Variants in CACNG2 observed in about 807,000 individuals in gnomAD.
The protein encoded by CACNG2 is calcium voltage-gated channel auxiliary subunit gamma 2, also known as voltage-dependent calcium channel gamma-2 subunit.
Under a neutral mutation model 25.9 loss-of-function variants are expected in CACNG2, and 3 were observed. The observed-to-expected ratio is 0.12, with a 90% CI of 0.05 to 0.30. CACNG2 has a LOEUF of 0.30. Among genes scored for constraint, CACNG2 ranks in the 10% least tolerant of loss-of-function variants. The pLI is 1.00. For missense variants in CACNG2, 341 were observed against 432.5 expected, an observed-to-expected ratio of 0.79 and a Z score of 1.88; for synonymous variants, 167 against 173.3, an observed-to-expected ratio of 0.96 and a Z score of 0.29.
chr22:36,565,100 G>A (rs1235608276), intron 3 of CACNG2, among the ~76,000 whole-genome samples: 5 of 152,318 alleles, frequency 3.3e-5, no homozygotes, highest in Admixed American at 6.5e-5. Context: ...CAAGGGAAGC[G>A]CTAATGGAAA....
At chr22:36,618,042 G>C (rs1936048335) in intron 1 of CACNG2, among the ~76,000 whole-genome samples, 1 of 152,208 alleles carries the variant, frequency 6.6e-6, no homozygotes, top group Admixed American at 6.5e-5. Flanking sequence ...GGGTGGAGGT[G>C]GAGGGCAGGA....
rs767940044 is a variant in CACNG2 at position 36,576,045 on chromosome 22, G to A, written c.296-9552C>T. On this transcript the variant is annotated intron_variant, in intron 2 of 3. Coordinates refer to ENST00000300105, the MANE Select transcript of CACNG2 (RefSeq NM_006078.5). The stretch of plus-strand genomic sequence containing the variant: ...GTGCTGGCTGGTGTAGCCAATGGCC[G>A]TGAGAAGGGATGCGTTTCAAAAAAT... Among the ~76,000 whole-genome samples, 36 of 152,186 alleles carry A rather than the reference G, an allele frequency of 2.4e-4. 1 individual carries two copies. Among genetic ancestry groups the A allele is most frequent in the South Asian group, 4.1e-4 (2 of 4,826 alleles).
At chr22:36,651,423 T>C (rs1376369681) in intron 1 of CACNG2, among the ~76,000 whole-genome samples, 1 of 151,814 alleles carries the variant, frequency 6.6e-6, no homozygotes, top group African/African-American at 2.4e-5. Flanking sequence ...GAGATGGGGT[T>C]TTACCATGTT....
At chr22:36,634,570 CT>C (rs1182971471) in intron 1 of CACNG2, among the ~76,000 whole-genome samples, 1 of 152,216 alleles carries the variant, frequency 6.6e-6, no homozygotes, top group Non-Finnish European at 1.5e-5. Context: ...TTGCAAAACA[CT>C]GGTAAAATTT....
At chr22:36,640,122 A>G (rs993402172) in intron 1 of CACNG2, among the ~76,000 whole-genome samples, 13 of 152,134 alleles carry the variant, frequency 8.5e-5, no homozygotes, top group African/African-American at 3.1e-4. Context: ...CAGGGTTCAT[A>G]TCCCAGCCCT....
rs117563437 is a variant in CACNG2, at chr22:36,589,762, T to A, written c.212-2214A>T. The stretch of plus-strand genomic sequence containing the variant: ...GTCATGGCCCCTCTGCCCTCCTGCA[T>A]CTTGGGGTGTTAAAAGGAAGCCTTG... On this transcript the variant is annotated intron_variant, in intron 1 of 3. Coordinates refer to ENST00000300105, the MANE Select transcript of CACNG2 (RefSeq NM_006078.5). 4.0e-3 allele frequency among the ~76,000 whole-genome samples: 609 copies of A among 152,226 alleles called. 2 individuals are homozygous for A. The highest frequency in any genetic ancestry group is 6.6e-3 in the Non-Finnish European group (449 of 68,018).
intron 1 of CACNG2, among the ~76,000 whole-genome samples, chr22:36,654,273 G>A (rs1316920929): frequency 1.3e-5 from 2 of 152,012 alleles, no homozygotes; most frequent in African/African-American, 4.8e-5. Context: ...GTAGTTGTGT[G>A]TGCGTGTGTT....
chr22:36,702,217 C>T, intron 1 of CACNG2, 149 bp downstream of exon 1: 1 of 633,194 alleles, frequency 1.6e-6, no homozygotes, highest in Non-Finnish European at 2.8e-6. Flanking sequence ...TCCTCTGAAA[C>T]TAACCCAACC....
intron 1 of CACNG2, among the ~76,000 whole-genome samples, chr22:36,670,088 A>C (rs1261230989): frequency 6.6e-6 from 1 of 152,172 alleles, no homozygotes; most frequent in African/African-American, 2.4e-5. Context: ...TGATCTAACT[A>C]ACTATAAGAT....
At chr22:36,631,720 C>T (rs1168490658) in intron 1 of CACNG2, among the ~76,000 whole-genome samples, 2 of 149,044 alleles carry the variant, frequency 1.3e-5, no homozygotes, top group Admixed American at 6.7e-5. Context: ...TGGAACTGCC[C>T]GGTTATGTGA....
chr22:36,639,080 A>G (rs7288612), intron 1 of CACNG2, among the ~76,000 whole-genome samples: 2 of 152,092 alleles, frequency 1.3e-5, no homozygotes, highest in East Asian at 3.9e-4. Flanking sequence ...TGAGCTTCTG[A>G]GGCAGGTGTT....
At chr22:36,572,712 C>CAA (rs1005967863) in intron 2 of CACNG2, among the ~76,000 whole-genome samples, 3 of 111,860 alleles carry the variant, frequency 2.7e-5, no homozygotes, top group Non-Finnish European at 3.8e-5. Flanking sequence ...GACTCCATCT[C>CAA]AAAAAAAAAA....
chr22:36,641,826 C>A (rs1936446408), intron 1 of CACNG2, among the ~76,000 whole-genome samples: 1 of 152,186 alleles, frequency 6.6e-6, no homozygotes, highest in Non-Finnish European at 1.5e-5. Flanking sequence ...GCCAAAGTAC[C>A]AATATTTCTG....
intron 1 of CACNG2, among the ~76,000 whole-genome samples, chr22:36,673,099 G>A (rs2145994495): frequency 6.6e-6 from 1 of 152,324 alleles, no homozygotes; most frequent in South Asian, 2.1e-4. Context: ...GGTGGTGCAT[G>A]CCTGTAGTCC....
chr22:36,688,261 G>T (rs1312611613), intron 1 of CACNG2, among the ~76,000 whole-genome samples: 3 of 152,048 alleles, frequency 2.0e-5, no homozygotes, highest in African/African-American at 7.2e-5. Flanking sequence ...TAGCTGAAAT[G>T]GGCTGGGTGC....
At chr22:36,567,514 C>A in intron 2 of CACNG2, among the ~76,000 whole-genome samples, 1 of 151,532 alleles carries the variant, frequency 6.6e-6, no homozygotes, top group East Asian at 1.9e-4. Flanking sequence ...ACAAACAGGA[C>A]CGGAGAAGAA....
At chr22:36,673,965 T>A (rs964399801) in intron 1 of CACNG2, among the ~76,000 whole-genome samples, 11 of 152,038 alleles carry the variant, frequency 7.2e-5, no homozygotes, top group Non-Finnish European at 5.9e-5. Flanking sequence ...GGTAACGGGG[T>A]CCCCTGTGAC....
At chr22:36,675,905 C>T (rs573664692) in intron 1 of CACNG2, among the ~76,000 whole-genome samples, 1 of 152,350 alleles carries the variant, frequency 6.6e-6, no homozygotes, top group Non-Finnish European at 1.5e-5. Context: ...TTGACAGGCT[C>T]CACCATGACA....
rs1307192834 is a variant in CACNG2 at position 36,561,591 on chromosome 22, A to G, written c.*2760T>C. 6.6e-6 allele frequency: 1 copy of G among 152,250 alleles called. No homozygotes were observed. The highest frequency in any genetic ancestry group is 2.4e-5 in the African/African-American group (1 of 41,468). The allele number at this position is 152,250 out of a possible 1,614,324, so 9.4% of individuals were successfully genotyped here. On this transcript the variant is annotated 3_prime_UTR_variant, in exon 4 of 4. Transcript: ENST00000300105. ...GAGATGTGCAAGCTCAAAAAGCCTT[A>G]CTAGCCATTCTCTAGAACTCCCCAG...
Sources: allele counts gnomAD v4.1 joint callset (sites outside exome capture counted in the v4.1 genomes callset), GRCh38; gene constraint gnomAD v4.1.1; transcripts MANE v1.5; gene names NCBI Gene and HGNC (gene_info 2026-07-23, HGNC 2026-07-21).